The following TRAPPC9 variants were observed in gnomAD, a reference collection of about 807,000 sequenced individuals.
TRAPPC9 encodes IKK2 binding protein.
A neutral mutation model predicts 124.0 loss-of-function variants in TRAPPC9; 83 were observed. That is an observed-to-expected ratio of 0.67 (90% CI 0.56 to 0.80). TRAPPC9 has a LOEUF of 0.80. Ranked by LOEUF, TRAPPC9 falls within the 30% of genes least tolerant of loss-of-function variation. TRAPPC9 has a pLI of 0.00. For synonymous variants in TRAPPC9, 638 were observed against 617.5 expected (o/e 1.03, Z -0.49); for missense variants, 1,302 against 1,508.3 (o/e 0.86, Z 2.27).
rs58435328 is a variant in TRAPPC9, at chr8:140,052,211, AAACAACAACAACAACAACAACAAC to A, written c.2557-28156_2557-28133del. Among the ~76,000 whole-genome samples, 28 of 151,718 alleles carry A rather than the reference AAACAACAACAACAACAACAACAAC, an allele frequency of 1.8e-4. No individual in the cohort carries two copies. In the South Asian group the frequency reaches 5.4e-3, roughly 29 times the overall value. Reference sequence around the variant, plus strand: ...GTATCTCATCACACGGTATTCTCCAAAACAACAACAACAACAACAACAACAACAACAACAACACAGAAACTGCAG... The same window carrying A: ...GTATCTCATCACACGGTATTCTCCAAAACAACAACAACACAGAAACTGCAG... On this transcript the variant is annotated intron_variant, in intron 17 of 22. Coordinates refer to ENST00000438773, the MANE Select transcript of TRAPPC9 (RefSeq NM_001160372.4).
At chr8:140,341,003 T>C (rs1588177214) in intron 9 of TRAPPC9, among the ~76,000 whole-genome samples, 2 of 152,140 alleles carry the variant, frequency 1.3e-5, no homozygotes, top group Admixed American at 1.3e-4. Flanking sequence ...CTAATCCTTA[T>C]GACAGCACAG....
chr8:140,456,933 G>A (rs977300646), intron 1 of TRAPPC9: 17 of 613,942 alleles, frequency 2.8e-5, no homozygotes, highest in Non-Finnish European at 3.5e-5. Flanking sequence ...AGGGGTGGAG[G>A]GGATTGGGGT....
intron 21 of TRAPPC9, among the ~76,000 whole-genome samples, chr8:139,857,072 G>GGGGGTGTCTGCCCTGCATTT (rs71276841): frequency 6.6e-6 from 1 of 151,608 alleles, no homozygotes; most frequent in Non-Finnish European, 1.5e-5. Flanking sequence ...TCAGACAGAG[G>GGGGGTGTCTGCCCTGCATTT]TGAAAGAGCA....
rs1169804900 is a variant in TRAPPC9, at chr8:140,283,981, C to A, written c.2022G>T (p.Leu674Phe). 6.2e-6 allele frequency: 10 copies of A among 1,614,022 alleles called. No homozygotes were observed. Among genetic ancestry groups the A allele is most frequent in the Non-Finnish European group, 8.5e-6 (10 of 1,180,034 alleles). The part of the protein sequence containing the change: ...TTVFGVFSDC[L>F]LDNLPGIKTS... Reference sequence around the variant, plus strand: ...TTTTTATTCCCGGCAGGTTATCCAGCAAACAGTCACTGAACACACCGAAGA... The same window carrying A: ...TTTTTATTCCCGGCAGGTTATCCAGAAAACAGTCACTGAACACACCGAAGA... Residue 674 changes from leucine (L) to phenylalanine (F), a missense_variant, in exon 14 of 23, where the codon TTG becomes TTT. Around this residue, in one of 3 missense-constraint regions of TRAPPC9, gnomAD observed 640 missense variants for 679.3 expected, o/e 0.94. Transcript: ENST00000438773.
chr8:140,400,933 T>A (rs565456011), intron 6 of TRAPPC9, among the ~76,000 whole-genome samples: 3 of 152,182 alleles, frequency 2.0e-5, no homozygotes, highest in Non-Finnish European at 4.4e-5. Context: ...TTATTTTTAT[T>A]TTTTTTCCTA....
chr8:140,435,440 C>A (rs1324793679), intron 3 of TRAPPC9, among the ~76,000 whole-genome samples, 200 bp from the exon 4 acceptor site: 1 of 152,220 alleles, frequency 6.6e-6, no homozygotes, highest in African/African-American at 2.4e-5. Flanking sequence ...CAAATGGGAA[C>A]TTGCCACCTG....
intron 21 of TRAPPC9, among the ~76,000 whole-genome samples, chr8:139,770,521 G>A (rs1053655969): frequency 1.3e-5 from 2 of 152,316 alleles, no homozygotes; most frequent in Middle Eastern, 6.8e-3. Flanking sequence ...GGGTCCCCAC[G>A]GGGCCCCATC....
intron 5 of TRAPPC9, among the ~76,000 whole-genome samples, chr8:140,423,579 T>TATACACACACAC: frequency 6.9e-6 from 1 of 145,350 alleles, no homozygotes; most frequent in East Asian, 2.0e-4. Context: ...AAATGTGGCA[T>TATACACACACAC]ACACACACAC....
At chr8:139,902,124 G>A (rs748718796) in intron 20 of TRAPPC9, among the ~76,000 whole-genome samples, 10 of 152,140 alleles carry the variant, frequency 6.6e-5, no homozygotes, top group Non-Finnish European at 8.8e-5. Context: ...CCGTGTGCAC[G>A]TTCACACACA....
At position 139,905,170 on chromosome 8, in the gene TRAPPC9, C is replaced by T. The variant is rs142991552; in HGVS notation, c.2964+4977G>A. Among the ~76,000 whole-genome samples, 342 of 152,178 alleles carry T rather than the reference C, an allele frequency of 2.2e-3. 2 individuals are homozygous for T. Among genetic ancestry groups the T allele is most frequent in the South Asian group, 8.7e-3 (42 of 4,816 alleles). On this transcript the variant is annotated intron_variant, in intron 20 of 22. Transcript: ENST00000438773. ...ATGCTGCATGTACTAGGAAGAGATG[C>T]CCCCGCCCTCCAGGGAAACTGCACA...
At chr8:140,443,238 A>G (rs1041047796) in intron 2 of TRAPPC9, among the ~76,000 whole-genome samples, 9 of 149,996 alleles carry the variant, frequency 6.0e-5, no homozygotes, top group African/African-American at 1.7e-4. Context: ...GATCGAGACC[A>G]TCCTGGCTAA....
intron 17 of TRAPPC9, among the ~76,000 whole-genome samples, chr8:140,053,234 G>A (rs1290324900): frequency 6.6e-6 from 1 of 152,234 alleles, no homozygotes; most frequent in Admixed American, 6.5e-5. Context: ...ATTAAACACA[G>A]AGGAAAACTT....
At chr8:139,743,415 T>C (rs11985699) in intron 21 of TRAPPC9, among the ~76,000 whole-genome samples, 16,761 of 152,232 alleles carry the variant, frequency 0.11, 1,383 homozygotes, top group African/African-American at 0.23. Context: ...AACAATGCAG[T>C]GGAAATACAT....
chr8:140,380,381 T>C (rs1242396493), intron 7 of TRAPPC9, among the ~76,000 whole-genome samples: 4 of 152,132 alleles, frequency 2.6e-5, no homozygotes, highest in Non-Finnish European at 5.9e-5. Context: ...AGCCCTGGCA[T>C]GGCGGCTCAC....
intron 18 of TRAPPC9, among the ~76,000 whole-genome samples, chr8:139,999,561 C>T (rs906235378): frequency 6.6e-6 from 1 of 151,900 alleles, no homozygotes; most frequent in African/African-American, 2.4e-5. Context: ...CACCACCAAC[C>T]ACTTCATACT....
chr8:140,066,050 A>G (rs1353567610), intron 17 of TRAPPC9, among the ~76,000 whole-genome samples: 1 of 152,264 alleles, frequency 6.6e-6, no homozygotes, highest in Non-Finnish European at 1.5e-5. Flanking sequence ...AAGAACATTC[A>G]TGATTCCTGA....
intron 16 of TRAPPC9, among the ~76,000 whole-genome samples, chr8:140,249,811 T>C (rs1467359858): frequency 6.6e-6 from 1 of 152,066 alleles, no homozygotes; most frequent in Non-Finnish European, 1.5e-5. Context: ...GGTTTCACCA[T>C]GTTAGCCAGG....
intron 19 of TRAPPC9, among the ~76,000 whole-genome samples, chr8:139,980,955 C>T (rs35337603): frequency 0.094 from 14,340 of 152,176 alleles, 713 homozygotes; most frequent in South Asian, 0.1. Context: ...AACAAAGAGG[C>T]GCGTGGTGTG....
intron 16 of TRAPPC9, among the ~76,000 whole-genome samples, chr8:140,235,280 T>C (rs899684734): frequency 4.6e-5 from 7 of 152,242 alleles, no homozygotes; most frequent in Non-Finnish European, 8.8e-5. Context: ...GCTGAAAATT[T>C]ATAATTTTTA....
Sources: allele counts gnomAD v4.1 joint callset (sites outside exome capture counted in the v4.1 genomes callset), GRCh38; gene constraint gnomAD v4.1.1; regional missense constraint gnomAD v4.1.1; transcripts MANE v1.5; gene names NCBI Gene and HGNC (gene_info 2026-07-23, HGNC 2026-07-21).